Variants in HSF2BP observed in about 807,000 individuals in gnomAD.
HSF2BP encodes the protein heat shock transcription factor 2 binding protein.
Under a neutral mutation model 35.0 loss-of-function variants are expected in HSF2BP, and 35 were observed. The ratio of observed to expected loss-of-function variants is 1.00; its 90% confidence interval spans 0.76 to 1.32. The LOEUF (loss-of-function observed/expected upper bound fraction) is 1.32. HSF2BP is among the 40% of genes most tolerant of loss of function. The probability of loss-of-function intolerance (pLI) is 0.00; values close to 1 mark genes in which losing one functional copy is unlikely to be tolerated. For missense variants in HSF2BP, 326 were observed against 321.7 expected, an observed-to-expected ratio of 1.01 and a Z score of -0.10; for synonymous variants, 114 against 117.4, an observed-to-expected ratio of 0.97 and a Z score of 0.18.
At chr21:43,626,501 A>G (rs75536265) in intron 6 of HSF2BP, among the ~76,000 whole-genome samples, 6,234 of 152,272 alleles carry the variant, frequency 0.041, 437 homozygotes, top group African/African-American at 0.14. Flanking sequence ...TTAAGACCAA[A>G]CTGCTGAAGA....
At chr21:43,645,694 G>A (rs1360508891) in intron 3 of HSF2BP, among the ~76,000 whole-genome samples, 1 of 152,142 alleles carries the variant, frequency 6.6e-6, no homozygotes, top group Admixed American at 6.5e-5. Flanking sequence ...CCAGGCGCCT[G>A]GAAAACGGAA....
intron 8 of HSF2BP, among the ~76,000 whole-genome samples, chr21:43,574,232 T>TA (rs1011431979): frequency 6.6e-5 from 10 of 152,240 alleles, no homozygotes; most frequent in African/African-American, 2.2e-4. Flanking sequence ...TTTGAAACAA[T>TA]AAAAAAATCA....
At chr21:43,657,517 C>G (rs7279968) in intron 2 of HSF2BP, among the ~76,000 whole-genome samples, 89,142 of 152,070 alleles carry the variant, frequency 0.59, 26,537 homozygotes, top group East Asian at 0.79. Context: ...ACTATTCACC[C>G]CAAGCCTCCA....
chr21:43,595,939 C>T (rs1317371022), intron 7 of HSF2BP, among the ~76,000 whole-genome samples: 1 of 151,460 alleles, frequency 6.6e-6, no homozygotes, highest in Non-Finnish European at 1.5e-5. Flanking sequence ...TGGTTAGGCT[C>T]TCGAACTCCT....
intron 6 of HSF2BP, among the ~76,000 whole-genome samples, chr21:43,618,940 G>A (rs143069718): frequency 0.012 from 1,844 of 149,710 alleles, 28 homozygotes; most frequent in African/African-American, 0.031. Context: ...GCAAGACTCC[G>A]TCTCAAAAAA....
intron 3 of HSF2BP, among the ~76,000 whole-genome samples, chr21:43,654,992 G>C (rs2082846602): frequency 6.6e-6 from 1 of 152,230 alleles, no homozygotes; most frequent in Non-Finnish European, 1.5e-5. Flanking sequence ...GGGACTATGA[G>C]ATAAGATCTC....
intron 6 of HSF2BP, among the ~76,000 whole-genome samples, chr21:43,629,834 T>C (rs1047195957): frequency 1.3e-5 from 2 of 152,212 alleles, no homozygotes; most frequent in African/African-American, 4.8e-5. Context: ...AAAGCAGCAG[T>C]AAGGTTTGAG....
chr21:43,628,798 T>G (rs1184594932), intron 6 of HSF2BP, among the ~76,000 whole-genome samples: 1 of 152,140 alleles, frequency 6.6e-6, no homozygotes, highest in Non-Finnish European at 1.5e-5. Flanking sequence ...ATGGTGCGGG[T>G]GACTTTAATT....
At chr21:43,584,471 T>C (rs1473158018) in intron 8 of HSF2BP, among the ~76,000 whole-genome samples, 1 of 152,212 alleles carries the variant, frequency 6.6e-6, no homozygotes, top group African/African-American at 2.4e-5. Context: ...GCCACCCAAC[T>C]GGCTGAAGGC....
At chr21:43,610,044 T>G (rs760653878) in intron 7 of HSF2BP, 3 of 152,382 alleles carry the variant, frequency 2.0e-5, no homozygotes, top group African/African-American at 4.8e-5. Flanking sequence ...AGCTGGCCCA[T>G]AAATATGGAC....
intron 6 of HSF2BP, among the ~76,000 whole-genome samples, chr21:43,618,780 CAAAA>C (rs35186292): frequency 8.6e-6 from 1 of 116,120 alleles, no homozygotes. Context: ...ACTAAAAATA[CAAAA>C]AAAAAAAAAA....
intron 6 of HSF2BP, among the ~76,000 whole-genome samples, chr21:43,628,046 C>A (rs2082410806): frequency 6.6e-6 from 1 of 152,172 alleles, no homozygotes; most frequent in East Asian, 1.9e-4. Flanking sequence ...CAATGACTGG[C>A]CATTCCCGTT....
intron 8 of HSF2BP, among the ~76,000 whole-genome samples, chr21:43,572,338 T>C (rs1175146098): frequency 2.0e-5 from 3 of 152,074 alleles, no homozygotes. Flanking sequence ...GCCACTGTAA[T>C]AAAGAAAGCA....
chr21:43,591,445 A>T (rs1398125719), intron 8 of HSF2BP, among the ~76,000 whole-genome samples: 2 of 152,338 alleles, frequency 1.3e-5, no homozygotes, highest in Admixed American at 1.3e-4. Context: ...GCTGTTTTAT[A>T]AGAGACAATT....
At chr21:43,601,252 G>T (rs547623584) in intron 7 of HSF2BP, among the ~76,000 whole-genome samples, 1 of 152,144 alleles carries the variant, frequency 6.6e-6, no homozygotes, top group Non-Finnish European at 1.5e-5. Context: ...CACATGGACA[G>T]GTGTAAGCTT....
intron 6 of HSF2BP, among the ~76,000 whole-genome samples, chr21:43,629,434 G>A (rs887229639): frequency 1.3e-5 from 2 of 152,092 alleles, no homozygotes; most frequent in Non-Finnish European, 2.9e-5. Flanking sequence ...GCATGGTGGC[G>A]CATGCCTGTA....
At chr21:43,607,824 T>C (rs1030660331) in intron 7 of HSF2BP, among the ~76,000 whole-genome samples, 6 of 152,122 alleles carry the variant, frequency 3.9e-5, no homozygotes, top group Admixed American at 1.3e-4. Flanking sequence ...TTTGACAACA[T>C]TGACAAAAAT....
intron 6 of HSF2BP, among the ~76,000 whole-genome samples, chr21:43,616,662 G>A (rs745733811): frequency 2.6e-5 from 4 of 152,034 alleles, no homozygotes; most frequent in East Asian, 1.9e-4. Context: ...GAAAAAACAC[G>A]GTGGCTCACG....
chr21:43,616,568 A>G (rs1443595457), intron 6 of HSF2BP, among the ~76,000 whole-genome samples: 1 of 152,164 alleles, frequency 6.6e-6, no homozygotes, highest in African/African-American at 2.4e-5. Context: ...ATTTGAACCC[A>G]GGAGGTGGAT....
Sources: gnomAD v4.1 joint callset for allele counts (sites outside exome capture counted in the v4.1 genomes callset) on GRCh38, gnomAD v4.1.1 for gene constraint, MANE v1.5 for transcripts, NCBI Gene and HGNC (gene_info 2026-07-23, HGNC 2026-07-21) for gene names.